ESPL1: variants seen among roughly 807,000 people sequenced by gnomAD.
ESPL1 encodes separin.
A neutral mutation model predicts 217.2 loss-of-function variants in ESPL1; 50 were observed. The ratio of observed to expected loss-of-function variants is 0.23; its 90% confidence interval spans 0.18 to 0.29. The LOEUF (loss-of-function observed/expected upper bound fraction) is 0.29, where lower values mean the gene tolerates loss of function less well. Among genes scored for constraint, ESPL1 ranks in the 10% least tolerant of loss-of-function variants. ESPL1 has a pLI of 1.00. For missense variants in ESPL1, 1,834 were observed against 2,603.0 expected, an observed-to-expected ratio of 0.70 and a Z score of 6.43; for synonymous variants, 994 against 1,081.3, an observed-to-expected ratio of 0.92 and a Z score of 1.58.
At chr12:53,285,491 AAG>A (rs1456859718) in intron 17 of ESPL1, among the ~76,000 whole-genome samples, 1 of 152,110 alleles carries the variant, frequency 6.6e-6, no homozygotes, top group Admixed American at 6.5e-5. Context: ...GGCGGATCAC[AAG>A]GTCAGGAGAT....
Position 53,289,509 on chromosome 12 carries a change from C to T in ESPL1, c.5028C>T (p.Leu1676=), listed in dbSNP as rs1055820584. The T allele has an allele frequency of 3.1e-6, 5 of 1,614,212 alleles. No homozygotes were observed. Among genetic ancestry groups the T allele is most frequent in the Non-Finnish European group, 8.5e-7 (1 of 1,180,036 alleles). The part of the protein sequence containing the change: ...GDVPLARIQR[L]FSFRALESGH... ...TCCCCCTGGCCCGCATCCAGCGCCT[C>T]TTTTCCTTCAGGGCTTTGGAATCTG... Residue 1676 remains leucine (L), a synonymous_variant, in exon 22 of 31, where the codon CTC becomes CTT. Transcript: ENST00000257934.
intron 25 of ESPL1, 83 bp from the exon 26 acceptor site, chr12:53,291,607 G>A: frequency 4.2e-6 from 6 of 1,437,668 alleles, no homozygotes; most frequent in Non-Finnish European, 4.7e-6. Flanking sequence ...AAGAAAACAG[G>A]GAAAGGGAAG....
In ESPL1 at chr12:53,288,689, C is replaced by T. The variant is rs756485096; in HGVS notation, c.4698C>T (p.Pro1566=). Residue 1566 remains proline (P), a synonymous_variant, in exon 20 of 31, where the codon CCC becomes CCT. Coordinates refer to ENST00000257934, the MANE Select transcript of ESPL1 (RefSeq NM_012291.5). ...CTCGGCTCCGGCTCCCCTCAGCCCC[C>T]GTAGCCACTGGTGAATATGCGACCC... The part of the protein sequence containing the change: ...LGPRLRLPSA[P]VATGLSTLDS... 113 of 1,611,658 alleles carry T rather than the reference C, an allele frequency of 7.0e-5. No homozygotes were observed. The highest frequency in any genetic ancestry group is 1.3e-4 in the African/African-American group (10 of 74,894).
In ESPL1 at chr12:53,282,464, T is replaced by C; in HGVS notation, c.2791+29T>C. 6.2e-7 allele frequency: 1 copy of C among 1,600,020 alleles called. No individual in the cohort carries two copies. The highest frequency in any genetic ancestry group is 8.6e-7 in the Non-Finnish European group (1 of 1,168,194). On this transcript the variant is annotated intron_variant, in intron 14 of 30. Transcript: ENST00000257934. This position sits in a 1 kb window ranked among gnomAD's most constrained non-coding sequence, Gnocchi z 4.0. ...AAAGAATAGGGTGGATGGCCCCCCT[T>C]GGATGACATGTATGGTCTGTCTGCT...
chr12:53,277,786 G>A, intron 10 of ESPL1, 35 bp from the exon 11 acceptor site: 1 of 1,610,016 alleles, frequency 6.2e-7, no homozygotes, highest in Non-Finnish European at 8.5e-7. Context: ...GATGGCCCAT[G>A]CTGAGACAGC....
At position 53,289,361 on chromosome 12, in the gene ESPL1, C is replaced by T. The variant is rs368562851; in HGVS notation, c.4923-43C>T. 12 of 1,610,534 alleles carry T rather than the reference C, an allele frequency of 7.5e-6. No individual in the cohort carries two copies. The African/African-American group carries it at 1.5e-4, about 20-fold the overall frequency. On this transcript the variant is annotated intron_variant, in intron 21 of 30. Coordinates refer to ENST00000257934, the MANE Select transcript of ESPL1 (RefSeq NM_012291.5). Reference sequence around the variant, plus strand: ...GGGCAGACTAGAGAGAAGGTCCAGACTTTGAAGGAATGGGACCTCACCCCT... The same window carrying T: ...GGGCAGACTAGAGAGAAGGTCCAGATTTTGAAGGAATGGGACCTCACCCCT...
chr12:53,284,783 G>C (rs1440238106), intron 17 of ESPL1, among the ~76,000 whole-genome samples: 10 of 151,430 alleles, frequency 6.6e-5, no homozygotes. Flanking sequence ...GGAGGCTGAG[G>C]CAGGCGGATC....
intron 6 of ESPL1, among the ~76,000 whole-genome samples, chr12:53,273,116 A>G (rs1943706692): frequency 6.6e-6 from 1 of 150,400 alleles, no homozygotes; most frequent in Non-Finnish European, 1.5e-5. Context: ...GCTCACTGCA[A>G]CCTTTGCCTC....
At chr12:53,273,844 T>G (rs1322570749) in intron 6 of ESPL1, among the ~76,000 whole-genome samples, 3 of 102,718 alleles carry the variant, frequency 2.9e-5, no homozygotes, top group African/African-American at 7.7e-5. Context: ...TGGTTTTTTT[T>G]TTTTTTTTTT....
At chr12:53,283,969 T>C (rs1357144503) in intron 16 of ESPL1, 89 bp from the exon 17 acceptor site, 4 of 950,322 alleles carry the variant, frequency 4.2e-6, no homozygotes, top group Non-Finnish European at 6.8e-6. Flanking sequence ...AGGACTCAGG[T>C]AGCTTGGCCT....
chr12:53,272,653 T>C, intron 5 of ESPL1, 68 bp from the exon 6 acceptor site: 1 of 1,544,958 alleles, frequency 6.5e-7, no homozygotes, highest in Non-Finnish European at 8.8e-7. Flanking sequence ...TGATCTCTGC[T>C]GCCTCTCCAG....
chr12:53,289,755 GT>G, intron 22 of ESPL1, 161 bp downstream of exon 22: 10 of 679,936 alleles, frequency 1.5e-5, no homozygotes, highest in Non-Finnish European at 2.2e-5. Flanking sequence ...AAGGTTTGTT[GT>G]TTTTTTTAAA....
In ESPL1 at chr12:53,270,714, A is replaced by G; in HGVS notation, c.1285A>G (p.Ser429Gly). Residue 429 changes from serine (S) to glycine (G), a missense_variant, in exon 5 of 31, where the codon AGT becomes GGT. Transcript: ENST00000257934. ...GGCTGACCTGACCCAACTAGTGGAC[A>G]GTTGTAAATCTACCGTTGTCTGGAT... is the stretch of plus-strand genomic sequence containing the variant. ...DLADLTQLVD[S>G]CKSTVVWMLE... The G allele has an allele frequency of 6.2e-7, 1 of 1,614,140 alleles. No individual in the cohort carries two copies. Among genetic ancestry groups the G allele is most frequent in the Non-Finnish European group, 8.5e-7 (1 of 1,180,008 alleles).
chr12:53,289,829 G>C (rs1222213621), intron 22 of ESPL1: 5 of 599,776 alleles, frequency 8.3e-6, no homozygotes, highest in Non-Finnish European at 1.5e-5. Flanking sequence ...AGATGACTGG[G>C]GTCTTCTGTG....
intron 17 of ESPL1, among the ~76,000 whole-genome samples, chr12:53,284,457 T>C (rs1235994140): frequency 6.6e-6 from 1 of 151,884 alleles, no homozygotes; most frequent in African/African-American, 2.4e-5. Flanking sequence ...GGTTTCACTA[T>C]GTTGGCCAGG....
intron 17 of ESPL1, among the ~76,000 whole-genome samples, chr12:53,285,131 G>A (rs1399007510): frequency 1.3e-5 from 2 of 152,050 alleles, no homozygotes; most frequent in African/African-American, 4.8e-5. Flanking sequence ...ACCGTATTGA[G>A]TAGCACAAAC....
intron 22 of ESPL1, 182 bp from the exon 23 acceptor site, chr12:53,289,903 A>G (rs1944021878): frequency 1.5e-6 from 1 of 652,504 alleles, no homozygotes; most frequent in African/African-American, 1.8e-5. Flanking sequence ...GAGGGACACA[A>G]AGTACAAGTC....
At chr12:53,268,641 C>G (rs1452070841) in intron 1 of ESPL1, 114 bp from the exon 2 acceptor site, 1 of 645,406 alleles carries the variant, frequency 1.5e-6, no homozygotes, top group Non-Finnish European at 2.7e-6. Context: ...TGGGTTTTCT[C>G]CCCGATGAAA....
chr12:53,277,524 G>C lies in ESPL1; in HGVS notation c.2140G>C (p.Val714Leu). Reference sequence around the variant, plus strand: ...CCCTGGTAACTTGGAGGAATTTGAAGTCAATGACCTGAACTATGAAGATAA... The same window carrying C: ...CCCTGGTAACTTGGAGGAATTTGAACTCAATGACCTGAACTATGAAGATAA... Reference protein sequence around the residue: ...QAPGNLEEFEVNDLNYEDKLQ... With the variant: ...QAPGNLEEFELNDLNYEDKLQ... The change falls in exon 10 of 31, where the codon GTC becomes CTC. Residue 714 changes from valine to leucine, a missense_variant. Physicochemically the swap from Val to Leu is conservative, Grantham distance 32. This residue lies in a region of ESPL1 where 746 missense variants were observed against 1,077.0 expected (regional missense o/e 0.69). Transcript: ENST00000257934. 1 of 1,614,170 alleles carries C rather than the reference G, an allele frequency of 6.2e-7. No homozygotes were observed. Among genetic ancestry groups the C allele is most frequent in the South Asian group, 1.1e-5 (1 of 91,084 alleles).
Sources: gnomAD v4.1 joint callset for allele counts (sites outside exome capture counted in the v4.1 genomes callset) on GRCh38, gnomAD v4.1.1 for gene constraint, gnomAD v4.1.1 regional missense constraint, Gnocchi (gnomAD v3.1) non-coding constraint, MANE v1.5 for transcripts, NCBI Gene and HGNC (gene_info 2026-07-23, HGNC 2026-07-21) for gene names.